CFAP92: variants seen among roughly 807,000 people sequenced by gnomAD.
The protein encoded by CFAP92 is cilia and flagella associated protein 92 (putative).
Under a neutral mutation model 106.3 loss-of-function variants are expected in CFAP92, and 86 were observed. The ratio of observed to expected loss-of-function variants is 0.81; its 90% CI spans 0.68 to 0.97. The LOEUF is 0.97. Ranked by LOEUF, CFAP92 falls within the 50% of genes least tolerant of loss-of-function variation. The pLI is 0.00. For synonymous variants in CFAP92, 477 were observed against 506.4 expected (o/e 0.94, Z 0.78); for missense variants, 1,204 against 1,283.8 (o/e 0.94, Z 0.95).
chr3:128,964,296 A>G (rs895520542), intron 9 of CFAP92, among the ~76,000 whole-genome samples: 1 of 152,238 alleles, frequency 6.6e-6, no homozygotes, highest in Non-Finnish European at 1.5e-5. Flanking sequence ...TCTACAAGGT[A>G]CAGCCCATTT....
At chr3:128,954,866 T>G (rs1209218027) in intron 9 of CFAP92, among the ~76,000 whole-genome samples, 1 of 4,618 alleles carries the variant, frequency 2.2e-4, no homozygotes, top group Non-Finnish European at 3.1e-4. Flanking sequence ...GGGAGGGAGG[T>G]GGGGGGGTCG....
the CFAP92 span, among the ~76,000 whole-genome samples, chr3:129,011,550 C>CAAAAAAAAA: frequency 3.2e-5 from 3 of 93,484 alleles, no homozygotes; most frequent in African/African-American, 1.1e-4. Flanking sequence ...GACTCCGTCT[C>CAAAAAAAAA]AAAAAAAAAA....
intron 1 of CFAP92, chr3:129,002,164 C>G: frequency 6.8e-7 from 1 of 1,472,192 alleles, no homozygotes; most frequent in South Asian, 1.4e-5. Flanking sequence ...CTGCGCCGTC[C>G]GCGCCGCCGC....
chr3:128,948,039 C>G (rs1940406679), intron 9 of CFAP92, among the ~76,000 whole-genome samples: 1 of 151,948 alleles, frequency 6.6e-6, no homozygotes, highest in Non-Finnish European at 1.5e-5. Context: ...GCAAAAGACA[C>G]TGTAAAGAGA....
intron 9 of CFAP92, among the ~76,000 whole-genome samples, chr3:128,947,017 T>C (rs962080650): frequency 6.6e-6 from 1 of 152,128 alleles, no homozygotes; most frequent in Non-Finnish European, 1.5e-5. Flanking sequence ...CCAGATTTTC[T>C]CTGTAAAACT....
In CFAP92 at chr3:128,947,337, TAC is replaced by T. The variant is rs566376189; in HGVS notation, c.1354-1364_1354-1363del. 3.9e-3 allele frequency among the ~76,000 whole-genome samples: 600 copies of T among 152,358 alleles called. 1 individual carries two copies. Among genetic ancestry groups the T allele is most frequent in the African/African-American group, 0.014 (566 of 41,574 alleles). On this transcript the variant is annotated intron_variant, in intron 9 of 15. Coordinates refer to ENST00000645291, the MANE Select transcript of CFAP92 (RefSeq NM_001394090.1). ...CCTCAAACCAATCAGTTTATAGGTT[TAC>T]AAATGTAATGCAATTCCAATCAAAA...
rs529140292 is a variant in CFAP92, at chr3:128,963,278, C to T, written c.1353+2233G>A. On this transcript the variant is annotated intron_variant, in intron 9 of 15. Transcript: ENST00000645291. ...AGAATTCTTAAACAAGAGCCAGGAC[C>T]ACACCGTGTAGCCTTTCTGTCCAAA... Among the ~76,000 whole-genome samples the T allele has an allele frequency of 9.5e-3, 1,437 of 151,968 alleles. 24 individuals carry two copies. The highest frequency in any genetic ancestry group is 0.057 in the East Asian group (285 of 4,958).
intron 9 of CFAP92, among the ~76,000 whole-genome samples, chr3:128,959,293 A>G (rs939660708): frequency 2.0e-5 from 3 of 152,174 alleles, no homozygotes; most frequent in Admixed American, 1.3e-4. Context: ...TTCGCATACA[A>G]AGGTTCAACT....
intron 15 of CFAP92, among the ~76,000 whole-genome samples, chr3:128,911,074 G>A (rs1936253244): frequency 1.3e-5 from 2 of 152,194 alleles, no homozygotes; most frequent in African/African-American, 4.8e-5. Flanking sequence ...TATTTATTTC[G>A]AGATGGAGTT....
intron 9 of CFAP92, among the ~76,000 whole-genome samples, chr3:128,949,977 T>C (rs1940620351): frequency 6.6e-6 from 1 of 152,224 alleles, no homozygotes. Flanking sequence ...TGTTAGCCAC[T>C]GCACCTGGCC....
intron 9 of CFAP92, among the ~76,000 whole-genome samples, chr3:128,956,569 C>T (rs1475033220): frequency 1.3e-5 from 2 of 151,580 alleles, no homozygotes; most frequent in African/African-American, 4.9e-5. Flanking sequence ...TTGAAAGCTG[C>T]AAGAGATAAA....
chr3:128,944,669 TGGCCCCCAGGTACCCTGAA>T (rs1437202946), intron 10 of CFAP92, among the ~76,000 whole-genome samples: 3 of 152,200 alleles, frequency 2.0e-5, no homozygotes, highest in Non-Finnish European at 4.4e-5. Flanking sequence ...TCCCACTGAG[TGGCCCCCAGGTACCCTGAA>T]GGCCTTCAGG....
chr3:128,964,703 A>G (rs372903445), intron 9 of CFAP92, among the ~76,000 whole-genome samples: 3 of 151,720 alleles, frequency 2.0e-5, no homozygotes, highest in African/African-American at 4.9e-5. Flanking sequence ...ATCCAAAACC[A>G]TATCCAGGCC....
intron 15 of CFAP92, among the ~76,000 whole-genome samples, chr3:128,914,133 T>C (rs1412476113): frequency 1.3e-5 from 2 of 152,212 alleles, no homozygotes; most frequent in Non-Finnish European, 2.9e-5. Context: ...GTTTCTTAAG[T>C]GATTTCACCA....
At chr3:128,935,040 C>A in intron 11 of CFAP92, 85 bp downstream of exon 11, 6 of 1,135,310 alleles carry the variant, frequency 5.3e-6, no homozygotes, top group East Asian at 2.6e-5. Context: ...TGTTGGATGC[C>A]CCAGCTTGCC....
upstream of CFAP92, among the ~76,000 whole-genome samples, chr3:128,994,906 T>A (rs1431703679): frequency 6.6e-6 from 1 of 152,068 alleles, no homozygotes; most frequent in Non-Finnish European, 1.5e-5. Flanking sequence ...AGGAACAGCA[T>A]ATGCAAAGGC....
intron 12 of CFAP92, among the ~76,000 whole-genome samples, chr3:128,925,312 C>G (rs1343918310): frequency 6.6e-6 from 1 of 152,148 alleles, no homozygotes; most frequent in Non-Finnish European, 1.5e-5. Flanking sequence ...TATTCATGCT[C>G]TTATGAGAAT....
At chr3:128,971,261 C>G in intron 8 of CFAP92, 26 bp downstream of exon 8, 13 of 1,613,598 alleles carry the variant, frequency 8.1e-6, no homozygotes, top group Non-Finnish European at 1.1e-5. Flanking sequence ...GCAGGAGCTG[C>G]TGGGAACAGG....
At chr3:128,944,091 G>A (rs1213673664) in intron 10 of CFAP92, among the ~76,000 whole-genome samples, 2 of 151,592 alleles carry the variant, frequency 1.3e-5, no homozygotes, top group African/African-American at 4.9e-5. Context: ...CACCATGCTT[G>A]GCTAATTTTT....
Sources: gnomAD v4.1 joint callset for allele counts (sites outside exome capture counted in the v4.1 genomes callset) on GRCh38, gnomAD v4.1.1 for gene constraint, MANE v1.5 for transcripts, NCBI Gene and HGNC (gene_info 2026-07-23, HGNC 2026-07-21) for gene names.